Variants in ARSB observed in about 807,000 individuals in gnomAD.
ARSB encodes N-acetylgalactosamine-4-sulfatase.
A neutral mutation model predicts 50.9 loss-of-function variants in ARSB; 41 were observed. The observed-to-expected ratio is 0.81, with a 90% CI of 0.63 to 1.04. The LOEUF (loss-of-function observed/expected upper bound fraction) is 1.04, where lower values mean the gene tolerates loss of function less well. Ranked by LOEUF, ARSB falls within the 50% of genes least tolerant of loss-of-function variation. ARSB has a pLI of 0.00. For synonymous variants in ARSB, 269 were observed against 284.8 expected (o/e 0.94, Z 0.56); for missense variants, 672 against 693.3 (o/e 0.97, Z 0.35).
chr5:78,829,126 G>A (rs1319087250), intron 6 of ARSB, among the ~76,000 whole-genome samples: 1 of 152,250 alleles, frequency 6.6e-6, no homozygotes, highest in Non-Finnish European at 1.5e-5. Context: ...AGGGACTGCA[G>A]CCCTGCCAAT....
chr5:78,879,106 G>A (rs1441527758), intron 5 of ARSB, among the ~76,000 whole-genome samples: 19 of 152,098 alleles, frequency 1.2e-4, no homozygotes, highest in Admixed American at 6.6e-5. Context: ...CTCCCTCCTC[G>A]GCCTCCCATA....
chr5:78,848,403 T>C (rs1475427808), intron 5 of ARSB, among the ~76,000 whole-genome samples: 1 of 148,708 alleles, frequency 6.7e-6, no homozygotes, highest in Non-Finnish European at 1.5e-5. Flanking sequence ...CTCATCATTT[T>C]TTATGGCTGC....
intron 4 of ARSB, among the ~76,000 whole-genome samples, chr5:78,924,217 A>G (rs758442089): frequency 2.6e-5 from 4 of 152,174 alleles, no homozygotes; most frequent in African/African-American, 4.8e-5. Flanking sequence ...CTCTCATTTA[A>G]TCCTCACAAT....
At chr5:78,939,427 A>G (rs1055287133) in intron 4 of ARSB, among the ~76,000 whole-genome samples, 3 of 150,122 alleles carry the variant, frequency 2.0e-5, no homozygotes, top group Admixed American at 6.6e-5. Context: ...GCTATCCCTC[A>G]CCCCTTCCCC....
chr5:78,780,701 A>G (rs1326743057), intron 7 of ARSB, 39 bp from the exon 8 acceptor site: 1 of 1,611,806 alleles, frequency 6.2e-7, no homozygotes, highest in South Asian at 1.1e-5. Context: ...AGGGAGAAGC[A>G]CAGAGGCAGG....
chr5:78,863,877 C>T (rs1351882634), intron 5 of ARSB, among the ~76,000 whole-genome samples: 1 of 151,890 alleles, frequency 6.6e-6, no homozygotes, highest in East Asian at 1.9e-4. Flanking sequence ...GTTTCTAGTG[C>T]TGTTTTTCTT....
intron 5 of ARSB, chr5:78,883,974 A>G (rs2112203822): frequency 6.6e-6 from 1 of 152,342 alleles, no homozygotes. Flanking sequence ...AAATTGGTCA[A>G]AGTATGGTAT....
chr5:78,909,747 A>G (rs1749220102), intron 4 of ARSB, among the ~76,000 whole-genome samples: 1 of 152,092 alleles, frequency 6.6e-6, no homozygotes, highest in Non-Finnish European at 1.5e-5. Flanking sequence ...GCCTTGTGGG[A>G]TGGGAAAGAC....
chr5:78,922,219 G>A (rs996113076), intron 4 of ARSB, among the ~76,000 whole-genome samples: 3 of 141,704 alleles, frequency 2.1e-5, no homozygotes, highest in Non-Finnish European at 4.6e-5. Context: ...GGAGGAGGGG[G>A]CACGTGACCT....
rs1747588438 is a variant in ARSB at position 78,878,448 on chromosome 5, A to T, written c.1142+7136T>A. On this transcript the variant is annotated intron_variant, in intron 5 of 7. Transcript: ENST00000264914. ...AGGGGGCCCCAAGACAGAGCACAGT[A>T]CTCATAAGAACTTAAAACCTAAAAT... Among the ~76,000 whole-genome samples the T allele has an allele frequency of 2.0e-5, 3 of 152,230 alleles. No individual in the cohort carries two copies. The East Asian group carries it at 5.8e-4, about 29-fold the overall frequency.
chr5:78,976,683 G>A (rs972788266), intron 1 of ARSB, among the ~76,000 whole-genome samples: 1 of 152,176 alleles, frequency 6.6e-6, no homozygotes, highest in African/African-American at 2.4e-5. Context: ...TCCAAAGAAT[G>A]CCACATGGCA....
intron 5 of ARSB, among the ~76,000 whole-genome samples, chr5:78,864,348 A>G (rs1158167704): frequency 6.6e-6 from 1 of 152,210 alleles, no homozygotes; most frequent in Non-Finnish European, 1.5e-5. Flanking sequence ...GGCAGCAGGC[A>G]AAGAGAGAAT....
intron 4 of ARSB, among the ~76,000 whole-genome samples, chr5:78,927,017 G>A (rs1750084982): frequency 6.6e-6 from 1 of 152,102 alleles, no homozygotes; most frequent in African/African-American, 2.4e-5. Flanking sequence ...GAGTAGCTAG[G>A]ACCACAGGCA....
intron 6 of ARSB, among the ~76,000 whole-genome samples, chr5:78,785,757 T>C (rs1316788747): frequency 6.6e-6 from 1 of 152,172 alleles, no homozygotes; most frequent in Non-Finnish European, 1.5e-5. Context: ...TTCCATGCCA[T>C]AAGGGACTCT....
intron 5 of ARSB, among the ~76,000 whole-genome samples, chr5:78,865,170 C>A (rs556357134): frequency 2.0e-5 from 3 of 152,168 alleles, no homozygotes; most frequent in African/African-American, 7.2e-5. Context: ...AGCAGAGGTT[C>A]TCCGTGAGTA....
chr5:78,778,596 GGAGGGGCAGCTT>G lies in ARSB; in HGVS notation c.*1789_*1800del, dbSNP rs1748836126. ...TGATGTAGATTATGCTCCTACCCCA[GGAGGGGCAGCTT>G]GAGAACAGAAAAGCAACAGCTGGAA... On this transcript the variant is annotated 3_prime_UTR_variant, in exon 8 of 8. Coordinates refer to ENST00000264914, the MANE Select transcript of ARSB (RefSeq NM_000046.5). 1 of 152,234 alleles carries G rather than the reference GGAGGGGCAGCTT, an allele frequency of 6.6e-6. No individual in the cohort carries two copies. Among genetic ancestry groups the G allele is most frequent in the Non-Finnish European group, 1.5e-5 (1 of 68,082 alleles). The allele number at this position is 152,234 out of a possible 1,614,324, so 9.4% of individuals were successfully genotyped here. A position where few individuals can be genotyped will look rare whatever the true frequency, so the allele number is the denominator to read the frequency against.
intron 5 of ARSB, among the ~76,000 whole-genome samples, chr5:78,841,141 C>T (rs529452003): frequency 2.8e-4 from 27 of 97,460 alleles, no homozygotes; most frequent in Admixed American, 3.4e-4. Flanking sequence ...TGTACTACTA[C>T]TACTACTACT....
intron 1 of ARSB, among the ~76,000 whole-genome samples, chr5:78,978,144 G>A (rs756621353): frequency 2.0e-5 from 3 of 152,140 alleles, no homozygotes; most frequent in Non-Finnish European, 4.4e-5. Flanking sequence ...TTCAAGACCA[G>A]CCTGGCCAAC....
At position 78,828,639 on chromosome 5, in the gene ARSB, CT is replaced by C. The variant is rs1744541739; in HGVS notation, c.1213+10716del. Among the ~76,000 whole-genome samples the C allele has an allele frequency of 4.6e-5, 7 of 152,306 alleles. No homozygotes were observed. The South Asian group carries it at 1.2e-3, about 27-fold the overall frequency. ...CAACTGTTATCTGATTTTCTTTTAA[CT>C]TTTTGTATGTTCTTGTTCTCTCCAA... On this transcript the variant is annotated intron_variant, in intron 6 of 7. Transcript: ENST00000264914.
Sources: gnomAD v4.1 joint callset for allele counts (sites outside exome capture counted in the v4.1 genomes callset) on GRCh38, gnomAD v4.1.1 for gene constraint, MANE v1.5 for transcripts, NCBI Gene and HGNC (gene_info 2026-07-23, HGNC 2026-07-21) for gene names.